CBLN2: variants seen among roughly 807,000 people sequenced by gnomAD.
CBLN2 encodes the protein cerebellin-2.
A neutral mutation model predicts 15.0 loss-of-function variants in CBLN2; 7 were observed. The observed-to-expected ratio is 0.47, with a 90% CI of 0.27 to 0.88. The LOEUF (loss-of-function observed/expected upper bound fraction) is 0.88, where lower values mean the gene tolerates loss of function less well. CBLN2 is among the 40% of genes least tolerant of loss of function. The probability of loss-of-function intolerance (pLI) is 0.14; values close to 1 mark genes in which losing one functional copy is unlikely to be tolerated. For synonymous variants in CBLN2, 149 were observed against 135.2 expected (o/e 1.10, Z -0.71); for missense variants, 242 against 304.5 (o/e 0.79, Z 1.53).
At chr18:72,631,287 A>G (rs1158535129) in intron 1 of CBLN2, among the ~76,000 whole-genome samples, 3 of 152,150 alleles carry the variant, frequency 2.0e-5, no homozygotes, top group Non-Finnish European at 4.4e-5. Context: ...GACAAGAGGG[A>G]AAGCTTGTTT....
chr18:72,546,178 C>G, upstream of CBLN2, among the ~76,000 whole-genome samples: 1 of 152,202 alleles, frequency 6.6e-6, no homozygotes, highest in East Asian at 1.9e-4. Flanking sequence ...TGGTTCACGC[C>G]TGTAATCCCA....
At chr18:72,634,889 A>G (rs1301884652) in intron 1 of CBLN2, among the ~76,000 whole-genome samples, 13 of 152,158 alleles carry the variant, frequency 8.5e-5, no homozygotes, top group Admixed American at 8.5e-4. Flanking sequence ...AGTGCAGTCA[A>G]ACAGGCAAAA....
chr18:72,541,416 C>G (rs1457551994), intron 3 of CBLN2, among the ~76,000 whole-genome samples: 1 of 152,076 alleles, frequency 6.6e-6, no homozygotes, highest in East Asian at 1.9e-4. Flanking sequence ...TTTAAATGCA[C>G]TCAATCCTTC....
intron 1 of CBLN2, among the ~76,000 whole-genome samples, chr18:72,628,407 C>T (rs1405341592): frequency 6.6e-6 from 1 of 152,182 alleles, no homozygotes; most frequent in Admixed American, 6.5e-5. Context: ...AAAAAATTGA[C>T]AGAGGGAGAA....
Position 72,538,659 on chromosome 18 carries a change from G to C in CBLN2, c.471C>G (p.Thr157=). ...FHVVKVYNRQ[T]IQVSLMQNGY... The stretch of plus-strand genomic sequence containing the variant: ...CAGTTTCAAATCTACCCACCTGGAT[G>C]GTTTGTCTGTTATACACTTTGACCA... The change falls in exon 4 of 5, where the codon ACC becomes ACG. Residue 157 remains threonine, a synonymous_variant. Transcript: ENST00000269503. 2 of 1,613,744 alleles carry C rather than the reference G, an allele frequency of 1.2e-6. No individual in the cohort carries two copies. The highest frequency in any genetic ancestry group is 4.5e-5 in the East Asian group (2 of 44,842).
At chr18:72,587,173 TG>T (rs1873523977) in intron 1 of CBLN2, among the ~76,000 whole-genome samples, 1 of 152,088 alleles carries the variant, frequency 6.6e-6, no homozygotes, top group African/African-American at 2.4e-5. Flanking sequence ...AGGAGTTTCC[TG>T]AAATCGGTTT....
intron 1 of CBLN2, among the ~76,000 whole-genome samples, chr18:72,607,128 T>C (rs930771146): frequency 6.6e-6 from 1 of 152,196 alleles, no homozygotes; most frequent in African/African-American, 2.4e-5. Context: ...GAACACCCTG[T>C]GAACATGATC....
chr18:72,563,954 T>A (rs116912402), intron 1 of CBLN2, among the ~76,000 whole-genome samples: 2 of 152,354 alleles, frequency 1.3e-5, no homozygotes, highest in East Asian at 3.9e-4. Flanking sequence ...TGTCATTCTA[T>A]GACGTTCTAA....
intron 1 of CBLN2, among the ~76,000 whole-genome samples, chr18:72,603,633 C>T (rs1188546468): frequency 6.6e-6 from 1 of 152,128 alleles, no homozygotes; most frequent in Non-Finnish European, 1.5e-5. Flanking sequence ...CTTCCTCAAG[C>T]CCGCCTGCAA....
chr18:72,551,875 G>T (rs1415801739), intron 1 of CBLN2, among the ~76,000 whole-genome samples: 1 of 152,124 alleles, frequency 6.6e-6, no homozygotes, highest in South Asian at 2.1e-4. Flanking sequence ...CTCATCTGAA[G>T]CTTTAAACTT....
At position 72,541,952 on chromosome 18, in the gene CBLN2, G is replaced by C. The variant is rs780938666; in HGVS notation, c.209C>G (p.Ser70Cys). 1 of 1,607,688 alleles carries C rather than the reference G, an allele frequency of 6.2e-7. No homozygotes were observed. The highest frequency in any genetic ancestry group is 1.7e-5 in the Admixed American group (1 of 59,904). Reference sequence around the variant, plus strand: ...GACGGCGCCGTCCGCCGACGGGCTGGAGTCGCACACCACCAGGCACTTGCC... The same window carrying C: ...GACGGCGCCGTCCGCCGACGGGCTGCAGTCGCACACCACCAGGCACTTGCC... Reference protein sequence around the residue: ...LEGKCLVVCDSSPSADGAVTS... With the variant: ...LEGKCLVVCDCSPSADGAVTS... Residue 70 changes from serine to cysteine, a missense_variant, in exon 3 of 5, where the codon TCC becomes TGC. Around this residue, in one of 4 missense-constraint regions of CBLN2, gnomAD observed 89 missense variants for 114.2 expected, o/e 0.78. Coordinates refer to ENST00000269503, the MANE Select transcript of CBLN2 (RefSeq NM_182511.4).
chr18:72,608,208 A>C (rs1203200937), intron 1 of CBLN2, among the ~76,000 whole-genome samples: 1 of 152,208 alleles, frequency 6.6e-6, no homozygotes, highest in Non-Finnish European at 1.5e-5. Flanking sequence ...CCTTCGTAAG[A>C]ATCCATTCCT....
chr18:72,604,489 TTTATG>T (rs2069570352), intron 1 of CBLN2, among the ~76,000 whole-genome samples: 1 of 152,186 alleles, frequency 6.6e-6, no homozygotes, highest in African/African-American at 2.4e-5. Context: ...CAACACACAA[TTTATG>T]AAACAGTCAT....
intron 1 of CBLN2, among the ~76,000 whole-genome samples, chr18:72,599,054 T>C (rs1460632019): frequency 6.6e-6 from 1 of 152,144 alleles, no homozygotes; most frequent in Non-Finnish European, 1.5e-5. Flanking sequence ...TGTGAAGGTG[T>C]TTTTCCCTGT....
chr18:72,618,608 ACAC>A (rs2069678819), intron 1 of CBLN2: 15 of 960,526 alleles, frequency 1.6e-5, no homozygotes, highest in Non-Finnish European at 2.4e-5. Flanking sequence ...ATTAAAGAAG[ACAC>A]TGAAGAACAT....
upstream of CBLN2, among the ~76,000 whole-genome samples, chr18:72,547,446 C>A (rs1240556134): frequency 6.6e-6 from 1 of 151,930 alleles, no homozygotes; most frequent in East Asian, 1.9e-4. Flanking sequence ...CACATGTACC[C>A]CCTAAATCTA....
intron 1 of CBLN2, among the ~76,000 whole-genome samples, chr18:72,610,726 C>T (rs1026100278): frequency 6.6e-6 from 1 of 152,142 alleles, no homozygotes; most frequent in Admixed American, 6.6e-5. Context: ...CTGGCTTAAA[C>T]CATCAAGTGG....
At chr18:72,558,918 G>T (rs1258908367) in intron 1 of CBLN2, among the ~76,000 whole-genome samples, 1 of 152,078 alleles carries the variant, frequency 6.6e-6, no homozygotes, top group Non-Finnish European at 1.5e-5. Flanking sequence ...AGCCAAGCAT[G>T]GTGGCACACA....
chr18:72,638,293 C>T (rs571673741), intron 1 of CBLN2: 102 of 398,588 alleles, frequency 2.6e-4, no homozygotes, highest in Non-Finnish European at 3.7e-4. Context: ...AAAATACTCA[C>T]GTTCTGTCTA....
Sources: allele counts gnomAD v4.1 joint callset (sites outside exome capture counted in the v4.1 genomes callset), GRCh38; gene constraint gnomAD v4.1.1; regional missense constraint gnomAD v4.1.1; transcripts MANE v1.5; gene names NCBI Gene and HGNC (gene_info 2026-07-23, HGNC 2026-07-21).